The following INTS4 variants were observed in gnomAD, a reference collection of about 807,000 sequenced individuals.
INTS4 encodes the protein integrator complex subunit 4.
Under a neutral mutation model 119.5 loss-of-function variants are expected in INTS4, and 70 were observed. The observed-to-expected ratio is 0.59, with a 90% CI of 0.48 to 0.71. The LOEUF is 0.71. Among genes scored for constraint, INTS4 ranks in the 30% least tolerant of loss-of-function variants. The pLI is 0.00. For synonymous variants in INTS4, 316 were observed against 419.6 expected (o/e 0.75, Z 3.02); for missense variants, 867 against 1,173.2 (o/e 0.74, Z 3.81).
intron 8 of INTS4, among the ~76,000 whole-genome samples, chr11:77,951,094 G>A (rs1393438662): frequency 6.6e-6 from 1 of 152,028 alleles, no homozygotes; most frequent in African/African-American, 2.4e-5. Flanking sequence ...TGGTGTATAT[G>A]TGCCACATTT....
chr11:77,991,068 C>G (rs767221632), intron 2 of INTS4, 40 bp downstream of exon 2: 7 of 1,538,036 alleles, frequency 4.6e-6, no homozygotes, highest in Non-Finnish European at 6.3e-6. Context: ...TGATACAACT[C>G]CCATGATATA....
intron 22 of INTS4, among the ~76,000 whole-genome samples, chr11:77,882,928 C>G (rs964884564): frequency 1.3e-5 from 2 of 152,012 alleles, no homozygotes; most frequent in African/African-American, 4.8e-5. Flanking sequence ...AAAAATTAGC[C>G]AGGTGTAGTG....
chr11:77,991,737 G>A (rs962542268), intron 1 of INTS4, among the ~76,000 whole-genome samples: 23 of 151,984 alleles, frequency 1.5e-4, no homozygotes, highest in African/African-American at 5.6e-4. Context: ...GGTAGCCTTT[G>A]GGTTTAGAGG....
At chr11:77,984,988 G>T (rs1408720146) in intron 2 of INTS4, among the ~76,000 whole-genome samples, 2 of 150,200 alleles carry the variant, frequency 1.3e-5, no homozygotes, top group Non-Finnish European at 2.9e-5. Flanking sequence ...CTTTACTCAA[G>T]TTCTTTTACT....
chr11:77,895,527 GAAAA>G (rs71046921), intron 18 of INTS4, among the ~76,000 whole-genome samples: 509 of 39,224 alleles, frequency 0.013, 2 homozygotes, highest in Middle Eastern at 0.026. Context: ...TTCTTTTCCT[GAAAA>G]AAAAAAAAAA....
At chr11:77,881,083 G>A (rs764409777) in intron 22 of INTS4, among the ~76,000 whole-genome samples, 6 of 152,230 alleles carry the variant, frequency 3.9e-5, no homozygotes, top group East Asian at 3.9e-4. Context: ...GGAGTAAAGC[G>A]GAGAAGAGAG....
At chr11:77,933,815 G>A (rs1193526899) in intron 10 of INTS4, among the ~76,000 whole-genome samples, 1 of 151,782 alleles carries the variant, frequency 6.6e-6, no homozygotes, top group Non-Finnish European at 1.5e-5. Context: ...TCCGGGAGGT[G>A]GGGGGCGCCT....
intron 2 of INTS4, among the ~76,000 whole-genome samples, chr11:77,988,725 TAAATC>T (rs1346306243): frequency 6.6e-6 from 1 of 152,210 alleles, no homozygotes; most frequent in Non-Finnish European, 1.5e-5. Flanking sequence ...ATGCTTAACT[TAAATC>T]TAACAAAGCC....
chr11:77,949,265 C>T (rs186921882), intron 8 of INTS4, among the ~76,000 whole-genome samples: 2 of 151,866 alleles, frequency 1.3e-5, no homozygotes, highest in Admixed American at 6.6e-5. Flanking sequence ...CCATAAAAAC[C>T]CTAGAAGAAA....
Position 77,924,653 on chromosome 11 carries a change from C to T in INTS4, c.1514+97G>A, listed in dbSNP as rs541863140. On this transcript the variant is annotated intron_variant, in intron 12 of 22. Coordinates refer to ENST00000534064, the MANE Select transcript of INTS4 (RefSeq NM_033547.4). ...CTAAAGTAAAGGCAAAATTCAGGGC[C>T]GTACTATCCTCAATCTATAAGGACG... is the stretch of plus-strand genomic sequence containing the variant. The T allele has an allele frequency of 1.9e-5, 22 of 1,148,922 alleles. No individual in the cohort carries two copies. In the East Asian group the frequency reaches 3.4e-4, roughly 18 times the overall value. 71.2% of individuals were successfully genotyped at this position (1,148,922 alleles called of 1,614,324 possible). A position where few individuals can be genotyped will look rare whatever the true frequency, so the allele number is the denominator to read the frequency against.
rs555097250 is a variant in INTS4, at chr11:77,957,502, A to G, written c.797+1244T>C. Among the ~76,000 whole-genome samples the G allele has an allele frequency of 4.2e-4, 64 of 151,530 alleles. 2 individuals carry two copies. The South Asian group carries it at 0.013, about 31-fold the overall frequency. On this transcript the variant is annotated intron_variant, in intron 7 of 22. Transcript: ENST00000534064. Reference sequence around the variant, plus strand: ...GAGTTGGAGGTTGTAGTAAGCCGAGATCACATCACTGCACTGCAGCCTGGG... The same window carrying G: ...GAGTTGGAGGTTGTAGTAAGCCGAGGTCACATCACTGCACTGCAGCCTGGG...
At chr11:77,935,634 G>T (rs1401242352) in intron 10 of INTS4, among the ~76,000 whole-genome samples, 1 of 152,018 alleles carries the variant, frequency 6.6e-6, no homozygotes, top group Non-Finnish European at 1.5e-5. Flanking sequence ...GGTGGCTTAC[G>T]TCTGTCATCC....
At chr11:77,971,359 A>T (rs1287747703) in intron 4 of INTS4, among the ~76,000 whole-genome samples, 1 of 152,026 alleles carries the variant, frequency 6.6e-6, no homozygotes, top group African/African-American at 2.4e-5. Flanking sequence ...GTCTAAATAC[A>T]ATTACCAGCT....
At chr11:77,902,789 G>A (rs1422450611) in intron 17 of INTS4, among the ~76,000 whole-genome samples, 1 of 152,164 alleles carries the variant, frequency 6.6e-6, no homozygotes, top group African/African-American at 2.4e-5. Context: ...GTGCAAAGGG[G>A]AATGACTCAA....
chr11:77,992,911 C>A (rs1856756750), intron 1 of INTS4, among the ~76,000 whole-genome samples: 1 of 152,192 alleles, frequency 6.6e-6, no homozygotes, highest in Non-Finnish European at 1.5e-5. Flanking sequence ...GCACTAAGAT[C>A]TCATTTAATC....
chr11:77,944,930 T>C (rs1954011932), intron 8 of INTS4, among the ~76,000 whole-genome samples: 1 of 152,142 alleles, frequency 6.6e-6, no homozygotes, highest in Non-Finnish European at 1.5e-5. Flanking sequence ...GTATGAAGAT[T>C]TGTTTAAAAA....
chr11:77,942,736 G>A (rs1325491000), intron 8 of INTS4, among the ~76,000 whole-genome samples: 3 of 152,176 alleles, frequency 2.0e-5, no homozygotes, highest in South Asian at 2.1e-4. Flanking sequence ...GGCTGTTGGA[G>A]CAGGTCCTAG....
chr11:77,913,616 G>C (rs1953139381), intron 15 of INTS4, among the ~76,000 whole-genome samples: 1 of 152,114 alleles, frequency 6.6e-6, no homozygotes, highest in African/African-American at 2.4e-5. Context: ...CAGCCAGTTA[G>C]TTTAAATTTT....
At chr11:77,937,301 T>C (rs189274071) in intron 10 of INTS4, among the ~76,000 whole-genome samples, 147 of 152,218 alleles carry the variant, frequency 9.7e-4, no homozygotes, top group Non-Finnish European at 1.9e-3. Context: ...AACTGTACTA[T>C]ACCCAGGCAT....
Sources: allele counts gnomAD v4.1 joint callset (sites outside exome capture counted in the v4.1 genomes callset), GRCh38; gene constraint gnomAD v4.1.1; transcripts MANE v1.5; gene names NCBI Gene and HGNC (gene_info 2026-07-23, HGNC 2026-07-21).